NEBL: variants seen among roughly 807,000 people sequenced by gnomAD.
The protein encoded by NEBL is nebulette, also known as LIM and SH3 protein 2.
NEBL carries 122 observed loss-of-function variants against 140.2 expected under a neutral mutation model. The observed-to-expected ratio is 0.87, with a 90% CI of 0.75 to 1.01. NEBL has a LOEUF of 1.01. Ranked by LOEUF, NEBL falls within the 50% of genes least tolerant of loss-of-function variation. The pLI is 0.00. For synonymous variants in NEBL, 436 were observed against 398.9 expected (o/e 1.09, Z -1.11); for missense variants, 1,365 against 1,231.3 (o/e 1.11, Z -1.62).
chr10:20,851,741 C>T (rs932360278), intron 10 of NEBL, among the ~76,000 whole-genome samples: 5 of 151,948 alleles, frequency 3.3e-5, no homozygotes, highest in Non-Finnish European at 4.4e-5. Context: ...ACCGAGATCA[C>T]GCCATTGCAC....
chr10:21,070,369 T>A (rs1589200809), intron 2 of NEBL, among the ~76,000 whole-genome samples: 1 of 152,170 alleles, frequency 6.6e-6, no homozygotes, highest in East Asian at 1.9e-4. Context: ...TAATGACAGA[T>A]TAATGTAAGA....
chr10:21,264,356 G>A (rs1169024237), intron 1 of NEBL, among the ~76,000 whole-genome samples: 5 of 152,162 alleles, frequency 3.3e-5, no homozygotes, highest in Non-Finnish European at 7.4e-5. Context: ...ATGGCCCTCT[G>A]CAAGGAGCTA....
At chr10:21,125,457 C>T (rs993959615) in intron 2 of NEBL, among the ~76,000 whole-genome samples, 3 of 152,154 alleles carry the variant, frequency 2.0e-5, no homozygotes, top group African/African-American at 7.2e-5. Flanking sequence ...ACTTAATGAA[C>T]TGGGCTATTT....
intron 10 of NEBL, among the ~76,000 whole-genome samples, chr10:20,850,821 T>C (rs1842435943): frequency 1.3e-5 from 2 of 152,200 alleles, no homozygotes; most frequent in South Asian, 4.1e-4. Flanking sequence ...TATATGCAAA[T>C]GGCATACACA....
chr10:21,191,308 T>C (rs1358282980), intron 3 of NEBL, among the ~76,000 whole-genome samples: 2 of 152,216 alleles, frequency 1.3e-5, no homozygotes, highest in African/African-American at 4.8e-5. Context: ...AGTATTATGA[T>C]AACCCCATTT....
intron 4 of NEBL, among the ~76,000 whole-genome samples, chr10:20,930,460 C>T (rs1034692413): frequency 2.0e-5 from 3 of 152,196 alleles, no homozygotes; most frequent in African/African-American, 7.2e-5. Flanking sequence ...TCCTAGACAT[C>T]AGCCAAGGTA....
chr10:21,248,010 TAA>T (rs34664249), intron 2 of NEBL: 1,525 of 194,818 alleles, frequency 7.8e-3, no homozygotes, highest in South Asian at 0.017. Flanking sequence ...AAATTATGAT[TAA>T]AAAAAAAAAA....
intron 2 of NEBL, among the ~76,000 whole-genome samples, chr10:21,147,702 C>T (rs557660151): frequency 1.3e-5 from 2 of 152,324 alleles, no homozygotes; most frequent in African/African-American, 4.8e-5. Flanking sequence ...GAACATCCAC[C>T]AAGCGAGCAC....
At chr10:21,205,581 A>G (rs1311788332) in intron 3 of NEBL, among the ~76,000 whole-genome samples, 4 of 152,328 alleles carry the variant, frequency 2.6e-5, no homozygotes, top group Admixed American at 2.6e-4. Flanking sequence ...TGTAAGAAGA[A>G]AACTTATTAC....
intron 2 of NEBL, among the ~76,000 whole-genome samples, chr10:21,150,685 T>C (rs1226247409): frequency 6.6e-6 from 1 of 152,210 alleles, no homozygotes; most frequent in African/African-American, 2.4e-5. Flanking sequence ...TCCTAATTAA[T>C]CTTTATAGTA....
intron 2 of NEBL, among the ~76,000 whole-genome samples, chr10:21,067,932 C>G (rs1032365195): frequency 6.6e-6 from 1 of 152,068 alleles, no homozygotes; most frequent in Non-Finnish European, 1.5e-5. Flanking sequence ...TGAGCCGTGA[C>G]TGCACCATGC....
intron 3 of NEBL, among the ~76,000 whole-genome samples, chr10:20,990,501 G>A (rs1837417282): frequency 6.6e-6 from 1 of 152,172 alleles, no homozygotes; most frequent in South Asian, 2.1e-4. Context: ...AAACCAGCAA[G>A]AGGGCCCTCA....
intron 3 of NEBL, among the ~76,000 whole-genome samples, chr10:21,239,183 C>A (rs142680680): frequency 0.01 from 1,582 of 152,118 alleles, 27 homozygotes; most frequent in African/African-American, 0.036. Flanking sequence ...GCCCAAAGCC[C>A]CTGAATAATA....
intron 4 of NEBL, among the ~76,000 whole-genome samples, chr10:20,941,725 G>A (rs1311672145): frequency 1.3e-5 from 2 of 152,072 alleles, no homozygotes; most frequent in East Asian, 3.9e-4. Flanking sequence ...AAGCTAATAG[G>A]CAACTTCAGC....
rs552379698 is a variant in NEBL, at chr10:21,292,931, T to C, written n.81A>G. On this transcript the variant is annotated non_coding_transcript_exon_variant, in exon 1 of 9. Transcript: ENST00000675702. The stretch of plus-strand genomic sequence containing the variant: ...CCACAAAGTACTCACACTTGGCAAA[T>C]GGCAAAGATTTGGGTCATCATTTTT... 3.9e-5 allele frequency among the ~76,000 whole-genome samples: 6 copies of C among 152,240 alleles called. No homozygotes were observed. The East Asian group carries it at 5.8e-4, about 15-fold the overall frequency.
intron 1 of NEBL, among the ~76,000 whole-genome samples, chr10:21,275,904 T>C (rs1334514253): frequency 6.8e-6 from 1 of 148,046 alleles, no homozygotes; most frequent in Non-Finnish European, 1.5e-5. Flanking sequence ...GCGATCTGCC[T>C]GCCTCAGCCT....
chr10:21,183,158 A>G (rs1342449152), intron 3 of NEBL, among the ~76,000 whole-genome samples: 1 of 152,162 alleles, frequency 6.6e-6, no homozygotes, highest in Non-Finnish European at 1.5e-5. Context: ...AAAACCGCTG[A>G]TACACTCACC....
At position 20,785,572 on chromosome 10, in the gene NEBL, G is replaced by T; in HGVS notation, c.*175C>A. ...GTTTGTAGGAATTACTGAAAATGCT[G>T]CTGTTTTCAGCCCAGAGGTCATTCC... On this transcript the variant is annotated 3_prime_UTR_variant, in exon 28 of 28. Transcript: ENST00000377122. 1.4e-6 allele frequency: 1 copy of T among 708,414 alleles called. No individual in the cohort carries two copies. The highest frequency in any genetic ancestry group is 1.8e-5 in the African/African-American group (1 of 55,904). 43.9% of individuals were successfully genotyped at this position (708,414 alleles called of 1,614,324 possible).
chr10:21,080,470 A>T (rs1314433835), intron 2 of NEBL, among the ~76,000 whole-genome samples: 1 of 152,258 alleles, frequency 6.6e-6, no homozygotes, highest in Non-Finnish European at 1.5e-5. Flanking sequence ...CAAAGACAAG[A>T]TTCATTCATT....
Sources: allele counts gnomAD v4.1 joint callset (sites outside exome capture counted in the v4.1 genomes callset), GRCh38; gene constraint gnomAD v4.1.1; transcripts MANE v1.5; gene names NCBI Gene and HGNC (gene_info 2026-07-23, HGNC 2026-07-21).